The following TMEM40 variants were observed in gnomAD, a reference collection of about 807,000 sequenced individuals.
TMEM40 encodes transmembrane protein 40.
In TMEM40, 34 loss-of-function variants were observed where a neutral mutation model predicts 40.8. The observed-to-expected ratio is 0.83, with a 90% CI of 0.63 to 1.11. The LOEUF is 1.11. Among genes scored for constraint, TMEM40 ranks in the 50% least tolerant of loss-of-function variants. TMEM40 has a pLI of 0.00. For missense variants in TMEM40, 296 were observed against 280.2 expected, an observed-to-expected ratio of 1.06 and a Z score of -0.40; for synonymous variants, 106 against 107.0, an observed-to-expected ratio of 0.99 and a Z score of 0.06.
upstream of TMEM40, among the ~76,000 whole-genome samples, chr3:12,761,234 G>A (rs2061566605): frequency 6.6e-6 from 1 of 152,222 alleles, no homozygotes; most frequent in South Asian, 2.1e-4. Flanking sequence ...AAGCAAGAGA[G>A]GCAGGGCCTC....
At chr3:12,735,723 G>C in intron 10 of TMEM40, 106 bp from the exon 11 acceptor site, 2 of 878,058 alleles carry the variant, frequency 2.3e-6, no homozygotes, top group Non-Finnish European at 3.6e-6. Context: ...CTCTGATGGT[G>C]GAACTTCAGG....
chr3:12,749,965 A>T lies in TMEM40; in HGVS notation c.-8-125T>A, dbSNP rs2061460888. Reference sequence around the variant, plus strand: ...ATTCAAAGGAATAAGAAAAATAATTAACAAAAAAAATGGTAGTTCTGTTGG... The same window carrying T: ...ATTCAAAGGAATAAGAAAAATAATTTACAAAAAAAATGGTAGTTCTGTTGG... On this transcript the variant is annotated intron_variant, in intron 1 of 11. Coordinates refer to ENST00000314124, the MANE Select transcript of TMEM40 (RefSeq NM_018306.4). 7 of 983,804 alleles carry T rather than the reference A, an allele frequency of 7.1e-6. No individual in the cohort carries two copies. The South Asian group carries it at 1.0e-4, about 14-fold the overall frequency. The allele number at this position is 983,804 out of a possible 1,614,324, so 60.9% of individuals were successfully genotyped here. A position where few individuals can be genotyped will look rare whatever the true frequency, so the allele number is the denominator to read the frequency against.
intron 1 of TMEM40, among the ~76,000 whole-genome samples, chr3:12,751,065 T>G (rs2061471639): frequency 6.6e-6 from 1 of 152,020 alleles, no homozygotes; most frequent in Non-Finnish European, 1.5e-5. Context: ...GGCTAGTTAC[T>G]TAATCCTTCA....
chr3:12,749,395 G>T (rs554089523), intron 2 of TMEM40, among the ~76,000 whole-genome samples: 1 of 152,286 alleles, frequency 6.6e-6, no homozygotes, highest in African/African-American at 2.4e-5. Flanking sequence ...GCTAATTTAG[G>T]ATCCTCTGTA....
chr3:12,761,879 A>T (rs1317097387), upstream of TMEM40, among the ~76,000 whole-genome samples: 1 of 152,200 alleles, frequency 6.6e-6, no homozygotes, highest in Admixed American at 6.5e-5. Context: ...GGTATGAAAA[A>T]TGTATGTATA....
chr3:12,739,291 A>G (rs1427961465), intron 5 of TMEM40: 2 of 151,876 alleles, frequency 1.3e-5, no homozygotes. Flanking sequence ...TGATATATAT[A>G]TATATTTTTT....
At chr3:12,736,896 G>A (rs2061342352) in intron 8 of TMEM40, 61 bp from the exon 9 acceptor site, 3 of 1,606,758 alleles carry the variant, frequency 1.9e-6, no homozygotes. Flanking sequence ...TTTGGGCAGA[G>A]GAGACAAGGT....
In TMEM40 at chr3:12,755,875, A is replaced by G. The variant is rs142762719; in HGVS notation, c.-9+3316T>C. 4.9e-3 allele frequency among the ~76,000 whole-genome samples: 745 copies of G among 152,320 alleles called. 6 individuals carry two copies. The highest frequency in any genetic ancestry group is 0.016 in the African/African-American group (681 of 41,574). ...TGGGTTAATTTGAGGCTCAAATGAA[A>G]CAGCTTTCACTGAATCAGCCCCCTT... On this transcript the variant is annotated intron_variant, in intron 1 of 11. Coordinates refer to ENST00000314124, the MANE Select transcript of TMEM40 (RefSeq NM_018306.4).
At chr3:12,760,452 G>A (rs12714876), upstream of TMEM40, among the ~76,000 whole-genome samples, 7,552 of 152,062 alleles carry the variant, frequency 0.05, 496 homozygotes, top group African/African-American at 0.15. Flanking sequence ...TCCCCTGGGT[G>A]GGCTCCCTCC....
At chr3:12,767,970 C>A (rs984853649) in intron 1 of TMEM40, among the ~76,000 whole-genome samples, 1 of 152,122 alleles carries the variant, frequency 6.6e-6, no homozygotes, top group Non-Finnish European at 1.5e-5. Context: ...CCATCATTGC[C>A]CCTCAGCCAG....
At chr3:12,755,213 T>TTCTTTCTTTCTTTCTCTCTCTC (rs1553634015) in intron 1 of TMEM40, among the ~76,000 whole-genome samples, 1 of 94,264 alleles carries the variant, frequency 1.1e-5, no homozygotes, top group Admixed American at 1.1e-4. Flanking sequence ...CTTTCTTTCT[T>TTCTTTCTTTCTTTCTCTCTCTC]TCTCTCTCTC....
At chr3:12,761,089 G>A (rs1223965447), upstream of TMEM40, among the ~76,000 whole-genome samples, 1 of 152,232 alleles carries the variant, frequency 6.6e-6, no homozygotes, top group Non-Finnish European at 1.5e-5. Context: ...CCCAAGAAGT[G>A]TTCCAAGGAT....
At chr3:12,735,417 A>C in intron 11 of TMEM40, 138 bp downstream of exon 11, 1 of 794,870 alleles carries the variant, frequency 1.3e-6, no homozygotes, top group Non-Finnish European at 2.1e-6. Context: ...TCACAGAGCT[A>C]GTAAACTGGC....
chr3:12,734,722 C>G lies in TMEM40; in HGVS notation c.*52G>C. 1 of 1,569,470 alleles carries G rather than the reference C, an allele frequency of 6.4e-7. No homozygotes were observed. The stretch of plus-strand genomic sequence containing the variant: ...GCTCTGCCCTTGTGGGCTCAGGGGT[C>G]GCAGTGGTGGTCACACTGGGGCCTG... On this transcript the variant is annotated 3_prime_UTR_variant, in exon 12 of 12. Transcript: ENST00000314124.
In TMEM40 at chr3:12,748,831, A is replaced by G. The variant is rs965347963; in HGVS notation, c.74-39T>C. On this transcript the variant is annotated intron_variant, in intron 2 of 11. Transcript: ENST00000314124. ...AGAGGCCAGGGGATGAGCGTTTCCCACCCTTCCCACCCCAGGGACCACCCA... is the reference window on the plus strand; with the variant it reads ...AGAGGCCAGGGGATGAGCGTTTCCCGCCCTTCCCACCCCAGGGACCACCCA... 5.9e-6 allele frequency: 9 copies of G among 1,530,500 alleles called. No homozygotes were observed. In the Admixed American group the frequency reaches 1.2e-4, roughly 21 times the overall value. The allele number at this position is 1,530,500 out of a possible 1,614,324, so 94.8% of individuals were successfully genotyped here.
chr3:12,740,438 A>C (rs1009992368), intron 5 of TMEM40, among the ~76,000 whole-genome samples: 1 of 149,252 alleles, frequency 6.7e-6, no homozygotes, highest in African/African-American at 2.5e-5. Context: ...GTGGTGGCTC[A>C]CGCCTCTAAT....
At chr3:12,750,819 A>G (rs918303178) in intron 1 of TMEM40, among the ~76,000 whole-genome samples, 2 of 152,172 alleles carry the variant, frequency 1.3e-5, no homozygotes, top group Admixed American at 1.3e-4. Context: ...ACATTGTGAG[A>G]TGTTTAGCAG....
chr3:12,754,018 A>G (rs2061499193), intron 1 of TMEM40, among the ~76,000 whole-genome samples: 1 of 152,164 alleles, frequency 6.6e-6, no homozygotes, highest in Non-Finnish European at 1.5e-5. Flanking sequence ...CAGAAGAGGA[A>G]ACTGAGGCCC....
At chr3:12,738,674 G>C in intron 5 of TMEM40, 86 bp from the exon 6 acceptor site, 1 of 1,432,292 alleles carries the variant, frequency 7.0e-7, no homozygotes, top group African/African-American at 1.4e-5. Flanking sequence ...GATCCTGCTC[G>C]GAGACTTCCC....
Sources: gnomAD v4.1 joint callset for allele counts (sites outside exome capture counted in the v4.1 genomes callset) on GRCh38, gnomAD v4.1.1 for gene constraint, MANE v1.5 for transcripts, NCBI Gene and HGNC (gene_info 2026-07-23, HGNC 2026-07-21) for gene names.